DPYD: variants seen among roughly 807,000 people sequenced by gnomAD.
DPYD encodes dihydropyrimidine dehydrogenase [NADP(+)].
A neutral mutation model predicts 116.2 loss-of-function variants in DPYD; 109 were observed. The ratio of observed to expected loss-of-function variants is 0.94; its 90% CI spans 0.80 to 1.10. The LOEUF is 1.10. DPYD is among the 50% of genes least tolerant of loss of function. The pLI is 0.00. For synonymous variants in DPYD, 440 were observed against 432.0 expected, an observed-to-expected ratio of 1.02 and a Z score of -0.23; for missense variants, 1,302 against 1,254.5, an observed-to-expected ratio of 1.04 and a Z score of -0.57.
intron 18 of DPYD, among the ~76,000 whole-genome samples, chr1:97,256,751 C>T (rs35946428): frequency 6.6e-6 from 1 of 152,144 alleles, no homozygotes; most frequent in South Asian, 2.1e-4. Context: ...CCCATCTTTA[C>T]CTTACCTCTC....
chr1:97,280,781 A>C (rs1665271810), intron 18 of DPYD, among the ~76,000 whole-genome samples: 1 of 152,156 alleles, frequency 6.6e-6, no homozygotes, highest in Admixed American at 6.5e-5. Flanking sequence ...GTCAATGAAT[A>C]CAAAGTTATA....
intron 20 of DPYD, among the ~76,000 whole-genome samples, chr1:97,121,430 C>A (rs962925155): frequency 3.9e-5 from 6 of 152,118 alleles, no homozygotes; most frequent in African/African-American, 1.4e-4. Context: ...TATCTATCCC[C>A]ATTCCAATGA....
At chr1:97,571,059 A>G (rs1652861453) in intron 11 of DPYD, among the ~76,000 whole-genome samples, 1 of 152,054 alleles carries the variant, frequency 6.6e-6, no homozygotes, top group African/African-American at 2.4e-5. Context: ...GTTCATTTAT[A>G]TGTCTTGAGG....
intron 10 of DPYD, among the ~76,000 whole-genome samples, chr1:97,589,741 T>C (rs1179418773): frequency 6.6e-6 from 1 of 152,214 alleles, no homozygotes; most frequent in Non-Finnish European, 1.5e-5. Context: ...ATCAGACATA[T>C]ACATGTTGAC....
intron 18 of DPYD, among the ~76,000 whole-genome samples, chr1:97,279,355 G>GGA (rs1665158352): frequency 6.6e-6 from 1 of 152,066 alleles, no homozygotes; most frequent in African/African-American, 2.4e-5. Context: ...ACAGGGTACT[G>GGA]GAGAGCACAG....
chr1:97,314,478 C>T (rs1420122273), intron 16 of DPYD, among the ~76,000 whole-genome samples: 1 of 145,372 alleles, frequency 6.9e-6, no homozygotes, highest in Admixed American at 7.2e-5. Context: ...TCCACTTAGT[C>T]GCTAAAGCTT....
intron 10 of DPYD, among the ~76,000 whole-genome samples, chr1:97,589,579 G>A (rs746003278): frequency 2.0e-5 from 3 of 152,010 alleles, no homozygotes; most frequent in South Asian, 2.1e-4. Context: ...ACCCAGTCTC[G>A]GGCAGTTCTT....
intron 5 of DPYD, among the ~76,000 whole-genome samples, chr1:97,715,698 T>C (rs955090832): frequency 4.6e-5 from 7 of 152,256 alleles, no homozygotes; most frequent in South Asian, 2.1e-4. Context: ...ATCAACATAA[T>C]ACACAGCTAG....
chr1:97,761,322 A>G (rs570005027), intron 3 of DPYD, among the ~76,000 whole-genome samples: 1 of 152,294 alleles, frequency 6.6e-6, no homozygotes, highest in Admixed American at 6.5e-5. Flanking sequence ...CAATCTGAAA[A>G]CGTCTTTAAA....
rs536039301 is a variant in DPYD at position 97,735,194 on chromosome 1, G to T, written c.321+5198C>A. Among the ~76,000 whole-genome samples the T allele has an allele frequency of 4.6e-5, 7 of 152,006 alleles. No homozygotes were observed. The South Asian group carries it at 1.5e-3, about 32-fold the overall frequency. On this transcript the variant is annotated intron_variant, in intron 4 of 22. Coordinates refer to ENST00000370192, the MANE Select transcript of DPYD (RefSeq NM_000110.4). ...ACATGCATGCTTCACAGTTCTCAGA[G>T]AATTTCCTCCAATAAGGCATCAACA...
At chr1:97,247,731 C>T (rs1032318949) in intron 18 of DPYD, among the ~76,000 whole-genome samples, 3 of 152,114 alleles carry the variant, frequency 2.0e-5, no homozygotes, top group Non-Finnish European at 4.4e-5. Context: ...TGAGCAATGT[C>T]ATACAATAAA....
At chr1:97,186,977 T>C (rs1245291190) in intron 20 of DPYD, among the ~76,000 whole-genome samples, 3 of 152,248 alleles carry the variant, frequency 2.0e-5, no homozygotes, top group Non-Finnish European at 2.9e-5. Context: ...TTCTTTATTA[T>C]CTGTCAAAGT....
At chr1:97,704,833 C>T (rs1661827642) in intron 5 of DPYD, among the ~76,000 whole-genome samples, 1 of 151,892 alleles carries the variant, frequency 6.6e-6, no homozygotes, top group Non-Finnish European at 1.5e-5. Context: ...GAAGGGTCAA[C>T]TGCCGAAACA....
At chr1:97,191,578 G>A (rs1658369690) in intron 20 of DPYD, among the ~76,000 whole-genome samples, 1 of 152,080 alleles carries the variant, frequency 6.6e-6, no homozygotes, top group South Asian at 2.1e-4. Flanking sequence ...ATTGACACAA[G>A]TTGTCTTCAT....
At chr1:97,744,999 C>T (rs572406874) in intron 3 of DPYD, among the ~76,000 whole-genome samples, 7 of 152,096 alleles carry the variant, frequency 4.6e-5, no homozygotes, top group South Asian at 4.1e-4. Context: ...TGTTCTGATC[C>T]ATTAAGCAGT....
chr1:97,898,197 G>T (rs1233943964), intron 1 of DPYD, among the ~76,000 whole-genome samples: 1 of 147,192 alleles, frequency 6.8e-6, no homozygotes, highest in African/African-American at 2.4e-5. Flanking sequence ...TGCTAGTTCC[G>T]TCGGACTGTT....
chr1:97,278,942 T>C (rs1665129891), intron 18 of DPYD, among the ~76,000 whole-genome samples: 1 of 152,092 alleles, frequency 6.6e-6, no homozygotes, highest in Non-Finnish European at 1.5e-5. Flanking sequence ...CCCACAGCTC[T>C]TTGCAGACAC....
chr1:97,878,537 T>C (rs892258168), intron 2 of DPYD, among the ~76,000 whole-genome samples: 1 of 152,026 alleles, frequency 6.6e-6, no homozygotes. Context: ...ACTTATGCTA[T>C]AAACAAGTAA....
intron 16 of DPYD, among the ~76,000 whole-genome samples, chr1:97,364,848 T>C (rs1168491748): frequency 6.6e-6 from 1 of 152,160 alleles, no homozygotes; most frequent in African/African-American, 2.4e-5. Context: ...TTTATTTTTC[T>C]TGACTTACCT....
Sources: gnomAD v4.1 joint callset for allele counts (sites outside exome capture counted in the v4.1 genomes callset) on GRCh38, gnomAD v4.1.1 for gene constraint, MANE v1.5 for transcripts, NCBI Gene and HGNC (gene_info 2026-07-23, HGNC 2026-07-21) for gene names.